ADAMTS9: variants seen among roughly 807,000 people sequenced by gnomAD.
The protein encoded by ADAMTS9 is ADAM metallopeptidase with thrombospondin type 1 motif 9, also known as A disintegrin and metalloproteinase with thrombospondin motifs 9.
In ADAMTS9, 107 loss-of-function variants were observed where a neutral mutation model predicts 257.1. The observed-to-expected ratio is 0.42, with a 90% CI of 0.36 to 0.49. The LOEUF (loss-of-function observed/expected upper bound fraction) is 0.49. Among genes scored for constraint, ADAMTS9 ranks in the 20% least tolerant of loss-of-function variants. The pLI is 0.03. For synonymous variants in ADAMTS9, 982 were observed against 880.9 expected (o/e 1.11, Z -2.03); for missense variants, 2,353 against 2,469.1 (o/e 0.95, Z 1.00).
At chr3:64,653,760 T>C (rs116807216) in intron 8 of ADAMTS9, among the ~76,000 whole-genome samples, 1 of 152,152 alleles carries the variant, frequency 6.6e-6, no homozygotes, top group Non-Finnish European at 1.5e-5. Flanking sequence ...CCGTGCTCTA[T>C]CTCTAAAAAA....
At chr3:64,548,900 C>A (rs1237323257) in intron 31 of ADAMTS9, among the ~76,000 whole-genome samples, 1 of 152,226 alleles carries the variant, frequency 6.6e-6, no homozygotes, top group Non-Finnish European at 1.5e-5. Context: ...GGGCTCCCTG[C>A]ATGAGCTGTA....
intron 30 of ADAMTS9, among the ~76,000 whole-genome samples, chr3:64,553,191 G>A (rs767851572): frequency 6.6e-5 from 10 of 152,108 alleles, no homozygotes; most frequent in Non-Finnish European, 1.2e-4. Flanking sequence ...CCTTGTACCC[G>A]TTCACCAGTC....
rs2084755699 is a variant in ADAMTS9 at position 64,616,014 on chromosome 3, T to C, written c.2970A>G (p.Glu990=). 1 of 1,613,882 alleles carries C rather than the reference T, an allele frequency of 6.2e-7. No individual in the cohort carries two copies. Among genetic ancestry groups the C allele is most frequent in the African/African-American group, 1.3e-5 (1 of 74,896 alleles). ...CSSHPKPSNR[E]KCSGECNTGG... ...CCGTGTTACATTCCCCTGAGCATTTTTCACGGTTGCTTGGTTTGGGATGGC... is the reference window on the plus strand; with the variant it reads ...CCGTGTTACATTCCCCTGAGCATTTCTCACGGTTGCTTGGTTTGGGATGGC... Residue 990 remains glutamate (E), a synonymous_variant, in exon 20 of 40, where the codon GAA becomes GAG. Transcript: ENST00000498707.
chr3:64,656,528 G>A (rs765287082), intron 4 of ADAMTS9, among the ~76,000 whole-genome samples: 1 of 152,130 alleles, frequency 6.6e-6, no homozygotes, highest in Non-Finnish European at 1.5e-5. Context: ...GTCACTCAGA[G>A]AAATTAAGTC....
At chr3:64,564,611 T>C (rs2083494356) in intron 29 of ADAMTS9, among the ~76,000 whole-genome samples, 1 of 149,016 alleles carries the variant, frequency 6.7e-6, no homozygotes, top group African/African-American at 2.6e-5. Context: ...TAATTCTTTT[T>C]TGTGTGTGGG....
Position 64,686,629 on chromosome 3 carries a change from T to C in ADAMTS9, c.455A>G (p.Tyr152Cys). The C allele has an allele frequency of 6.2e-7, 1 of 1,614,064 alleles. No individual in the cohort carries two copies. The highest frequency in any genetic ancestry group is 8.5e-7 in the Non-Finnish European group (1 of 1,180,012). ...GGAGTTGGTATTGACATAGCCTTTG[T>C]AGAAACAGTGCTTGAGTTCCGCTTC... ...EEEAELKHCF[Y>C]KGYVNTNSEH... Residue 152 changes from tyrosine to cysteine, a missense_variant, in exon 2 of 40, where the codon TAC becomes TGC. Coordinates refer to ENST00000498707, the MANE Select transcript of ADAMTS9 (RefSeq NM_182920.2). This position sits in a 1 kb window ranked among gnomAD's most constrained non-coding sequence, Gnocchi z 4.6.
chr3:64,613,075 T>C (rs528973847), intron 22 of ADAMTS9, among the ~76,000 whole-genome samples: 120 of 152,252 alleles, frequency 7.9e-4, no homozygotes, highest in African/African-American at 2.8e-3. Context: ...GTTGTGAATT[T>C]GTTCAAACAC....
At chr3:64,553,412 G>C (rs1328064037) in intron 30 of ADAMTS9, among the ~76,000 whole-genome samples, 1 of 152,144 alleles carries the variant, frequency 6.6e-6, no homozygotes, top group Non-Finnish European at 1.5e-5. Flanking sequence ...ATAAGATTCT[G>C]TTGTACGGAT....
At chr3:64,645,346 A>C (rs1196813216) in intron 11 of ADAMTS9, among the ~76,000 whole-genome samples, 1 of 152,242 alleles carries the variant, frequency 6.6e-6, no homozygotes, top group Non-Finnish European at 1.5e-5. Flanking sequence ...GTTTAAAAGG[A>C]AAATGCTAAT....
At chr3:64,575,939 G>T (rs1034347948) in intron 28 of ADAMTS9, among the ~76,000 whole-genome samples, 1 of 152,070 alleles carries the variant, frequency 6.6e-6, no homozygotes, top group African/African-American at 2.4e-5. Context: ...AAAAAATTTT[G>T]TTAACTAATG....
chr3:64,601,956 G>A lies in ADAMTS9; in HGVS notation c.4005C>T (p.Gly1335=), dbSNP rs776528632. 2 of 1,606,582 alleles carry A rather than the reference G, an allele frequency of 1.2e-6. No homozygotes were observed. The highest frequency in any genetic ancestry group is 1.7e-5 in the Admixed American group (1 of 59,520). ...HVLGGNQWRT[G]PWGACSSTCA... The stretch of plus-strand genomic sequence containing the variant: ...AGGGAATACTCACTGCTCCCCAGGG[G>A]CCAGTTCTCCACTGGTTTCCACCGA... Residue 1335 remains glycine (G), a synonymous_variant, in exon 26 of 40, where the codon GGC becomes GGT. Coordinates refer to ENST00000498707, the MANE Select transcript of ADAMTS9 (RefSeq NM_182920.2).
intron 26 of ADAMTS9, among the ~76,000 whole-genome samples, chr3:64,599,135 G>T (rs1388118140): frequency 6.6e-6 from 1 of 151,978 alleles, no homozygotes; most frequent in Non-Finnish European, 1.5e-5. Context: ...CAGTTGCACT[G>T]CACATTCTTG....
chr3:64,678,356 A>G (rs1024564425), intron 3 of ADAMTS9, among the ~76,000 whole-genome samples: 1 of 152,242 alleles, frequency 6.6e-6, no homozygotes, highest in Non-Finnish European at 1.5e-5. Context: ...AGTCCACAGC[A>G]ATGCCAACAG....
intron 37 of ADAMTS9, among the ~76,000 whole-genome samples, chr3:64,538,570 A>T (rs2083079271): frequency 6.6e-6 from 1 of 151,692 alleles, no homozygotes; most frequent in Non-Finnish European, 1.5e-5. Flanking sequence ...GAAAATACAG[A>T]TGGGATCATA....
chr3:64,607,331 A>G (rs538531339), intron 22 of ADAMTS9, among the ~76,000 whole-genome samples: 1 of 152,290 alleles, frequency 6.6e-6, no homozygotes, highest in East Asian at 1.9e-4. Context: ...ATTAACTGTG[A>G]ACTCCTAGAA....
In ADAMTS9 at chr3:64,516,614, G is replaced by C. The variant is rs2082778267; in HGVS notation, c.*513C>G. On this transcript the variant is annotated 3_prime_UTR_variant, in exon 40 of 40. Transcript: ENST00000498707. ...ACTTATTTAACATAGTTAATAGTTG[G>C]TACAATCTGTGATATCACTAACATA... is the stretch of plus-strand genomic sequence containing the variant. The C allele has an allele frequency of 6.6e-6, 1 of 152,494 alleles. No homozygotes were observed. Among genetic ancestry groups the C allele is most frequent in the Non-Finnish European group, 1.5e-5 (1 of 68,012 alleles). The allele number at this position is 152,494 out of a possible 1,614,324, so 9.4% of individuals were successfully genotyped here.
intron 8 of ADAMTS9, among the ~76,000 whole-genome samples, chr3:64,652,528 C>G (rs1357344095): frequency 2.0e-5 from 3 of 152,092 alleles, no homozygotes; most frequent in Non-Finnish European, 4.4e-5. Flanking sequence ...GTGTTTATTT[C>G]CCATCCCCAG....
chr3:64,671,370 C>T (rs887485023), intron 3 of ADAMTS9, among the ~76,000 whole-genome samples: 1 of 152,088 alleles, frequency 6.6e-6, no homozygotes, highest in Non-Finnish European at 1.5e-5. Context: ...TTGATTATCA[C>T]GATGGTTCTA....
In ADAMTS9 at chr3:64,517,025, CACAA is replaced by C. The variant is rs1011044116; in HGVS notation, c.*98_*101del. On this transcript the variant is annotated 3_prime_UTR_variant, in exon 40 of 40. Coordinates refer to ENST00000498707, the MANE Select transcript of ADAMTS9 (RefSeq NM_182920.2). ...TACACACACAAGCATACAAGTCACA[CACAA>C]ACACACACACACATACACATGCACC... 1.1e-4 allele frequency: 17 copies of C among 152,572 alleles called. No homozygotes were observed. Among genetic ancestry groups the C allele is most frequent in the East Asian group, 5.8e-4 (3 of 5,186 alleles). 9.5% of individuals were successfully genotyped at this position (152,572 alleles called of 1,614,324 possible).
Sources: gnomAD v4.1 joint callset for allele counts (sites outside exome capture counted in the v4.1 genomes callset) on GRCh38, gnomAD v4.1.1 for gene constraint, Gnocchi (gnomAD v3.1) non-coding constraint, MANE v1.5 for transcripts, NCBI Gene and HGNC (gene_info 2026-07-23, HGNC 2026-07-21) for gene names.